Variants in ANKFN1 observed in about 807,000 individuals in gnomAD.
ANKFN1 encodes the protein ankyrin repeat and fibronectin type-III domain-containing protein 1.
In ANKFN1, 74 loss-of-function variants were observed where a neutral mutation model predicts 108.7. The ratio of observed to expected loss-of-function variants is 0.68; its 90% CI spans 0.56 to 0.83. The LOEUF (loss-of-function observed/expected upper bound fraction) is 0.83. Among genes scored for constraint, ANKFN1 ranks in the 40% least tolerant of loss-of-function variants. The probability of loss-of-function intolerance (pLI) is 0.00; values close to 1 mark genes in which losing one functional copy is unlikely to be tolerated. For missense variants in ANKFN1, 1,505 were observed against 1,382.3 expected (o/e 1.09, Z -1.41); for synonymous variants, 547 against 516.2 (o/e 1.06, Z -0.81).
At chr17:56,225,932 TAGAC>T (rs915705009) in intron 2 of ANKFN1, among the ~76,000 whole-genome samples, 1 of 152,210 alleles carries the variant, frequency 6.6e-6, no homozygotes, top group Admixed American at 6.5e-5. Context: ...TGTGAAGTAA[TAGAC>T]AGATAATTTT....
At chr17:56,102,155 T>C (rs928638679) in intron 4 of ANKFN1, among the ~76,000 whole-genome samples, 5 of 152,196 alleles carry the variant, frequency 3.3e-5, no homozygotes, top group African/African-American at 1.2e-4. Context: ...GAACTCATTG[T>C]AAAGAGTTTT....
intron 4 of ANKFN1, among the ~76,000 whole-genome samples, chr17:56,125,504 C>T (rs1197451995): frequency 6.6e-6 from 1 of 152,174 alleles, no homozygotes; most frequent in Non-Finnish European, 1.5e-5. Context: ...AGTGGGATTA[C>T]TAATAATTAT....
Position 56,190,048 on chromosome 17 carries a change from G to A in ANKFN1, c.-70-22550G>A, listed in dbSNP as rs1007012470. Among the ~76,000 whole-genome samples the A allele has an allele frequency of 5.4e-5, 8 of 149,022 alleles. No homozygotes were observed. The East Asian group carries it at 5.9e-4, about 11-fold the overall frequency. On this transcript the variant is annotated intron_variant, in intron 1 of 20. Transcript: ENST00000682825. Reference sequence around the variant, plus strand: ...TGGTAGTTTGTATTTCTGTGGGATCGGTGGTGATATCCCCTTTATCATTTT... The same window carrying A: ...TGGTAGTTTGTATTTCTGTGGGATCAGTGGTGATATCCCCTTTATCATTTT...
At chr17:56,378,570 G>A (rs1332362317) in intron 8 of ANKFN1, among the ~76,000 whole-genome samples, 1 of 152,114 alleles carries the variant, frequency 6.6e-6, no homozygotes, top group African/African-American at 2.4e-5. Flanking sequence ...TAGGTATGAG[G>A]TAGCTACCTT....
At chr17:56,428,821 G>A (rs1388218858) in intron 8 of ANKFN1, among the ~76,000 whole-genome samples, 3 of 151,318 alleles carry the variant, frequency 2.0e-5, no homozygotes, top group African/African-American at 7.3e-5. Flanking sequence ...TGAAAAAGAT[G>A]CTGCACACAT....
chr17:56,151,580 G>A (rs1908612625), upstream of ANKFN1, among the ~76,000 whole-genome samples: 1 of 152,130 alleles, frequency 6.6e-6, no homozygotes, highest in Non-Finnish European at 1.5e-5. Context: ...TAGATGGGCT[G>A]ACAAAGCCAA....
intron 4 of ANKFN1, among the ~76,000 whole-genome samples, chr17:56,089,803 T>C (rs772149961): frequency 6.6e-6 from 1 of 151,330 alleles, no homozygotes; most frequent in Non-Finnish European, 1.5e-5. Flanking sequence ...GCAGCTTTGC[T>C]ATTTACCAGC....
intron 1 of ANKFN1, among the ~76,000 whole-genome samples, chr17:56,188,579 G>GTATATATATATATATATATA (rs1220822008): frequency 2.0e-4 from 14 of 71,386 alleles, no homozygotes; most frequent in African/African-American, 9.8e-4. Context: ...GTGTGTGTGT[G>GTATATATATATATATATATA]TGTATATATA....
chr17:56,259,970 A>C (rs1418519630), intron 3 of ANKFN1, among the ~76,000 whole-genome samples: 1 of 152,018 alleles, frequency 6.6e-6, no homozygotes, highest in African/African-American at 2.4e-5. Flanking sequence ...ACTAAAAGGA[A>C]GTAACATACT....
At chr17:56,457,442 CA>C in intron 13 of ANKFN1, 53 bp downstream of exon 13, 1 of 1,505,732 alleles carries the variant, frequency 6.6e-7, no homozygotes, top group Non-Finnish European at 8.9e-7. Context: ...TGTTACTGCA[CA>C]AAAATCTCTG....
At chr17:56,216,368 G>A (rs937660060) in intron 2 of ANKFN1, among the ~76,000 whole-genome samples, 13 of 152,204 alleles carry the variant, frequency 8.5e-5, no homozygotes, top group Non-Finnish European at 7.3e-5. Flanking sequence ...AGATTTCTGT[G>A]AGTCTGTATT....
At chr17:56,181,700 C>T (rs1206966208) in intron 1 of ANKFN1, among the ~76,000 whole-genome samples, 2 of 152,146 alleles carry the variant, frequency 1.3e-5, no homozygotes, top group Non-Finnish European at 2.9e-5. Context: ...TGTATGAATG[C>T]ATATACACAC....
intron 4 of ANKFN1, among the ~76,000 whole-genome samples, chr17:56,135,340 A>C (rs144182198): frequency 9.1e-4 from 138 of 152,300 alleles, no homozygotes; most frequent in African/African-American, 2.8e-3. Flanking sequence ...AATAGGGACT[A>C]TTTTCTGCCC....
intron 10 of ANKFN1, 123 bp downstream of exon 10, chr17:56,443,056 G>A (rs2049165343): frequency 1.2e-6 from 1 of 826,458 alleles, no homozygotes; most frequent in Non-Finnish European, 1.9e-6. Flanking sequence ...TCTCAGGGCA[G>A]CATCTGGGCC....
chr17:56,423,926 A>G (rs1598583839), intron 8 of ANKFN1, among the ~76,000 whole-genome samples: 2 of 152,208 alleles, frequency 1.3e-5, no homozygotes, highest in South Asian at 4.1e-4. Context: ...TCAGGAATGT[A>G]TTGGCTTTAT....
intron 18 of ANKFN1, among the ~76,000 whole-genome samples, chr17:56,483,089 T>C (rs1453833593): frequency 6.6e-6 from 1 of 152,226 alleles, no homozygotes; most frequent in South Asian, 2.1e-4. Context: ...ATTTGAGAAA[T>C]GGACAGGATC....
intron 3 of ANKFN1, among the ~76,000 whole-genome samples, chr17:56,312,196 C>T (rs911289554): frequency 9.9e-5 from 15 of 152,164 alleles, no homozygotes; most frequent in African/African-American, 3.4e-4. Flanking sequence ...GACCTGTGTT[C>T]TGTGCTTCTG....
At chr17:56,132,191 C>T (rs138791386) in intron 4 of ANKFN1, among the ~76,000 whole-genome samples, 352 of 152,306 alleles carry the variant, frequency 2.3e-3, no homozygotes, top group African/African-American at 8.1e-3. Context: ...AGTCCAGCCT[C>T]GTTGCTCTCA....
In ANKFN1 at chr17:56,466,463, A is replaced by AT. The variant is rs1324050420; in HGVS notation, c.1671dup (p.Asn558Ter). 1 of 1,614,146 alleles carries AT rather than the reference A, an allele frequency of 6.2e-7. No individual in the cohort carries two copies. On this transcript the variant is annotated frameshift_variant, in exon 15 of 21. Transcript: ENST00000682825. LOFTEE classifies it high-confidence loss of function. ...TCAGGGAGGTGGAGATGCTTTATTCATTTTTTAATGGCAAATGGATGCAGA... is the reference window on the plus strand; with the variant it reads ...TCAGGGAGGTGGAGATGCTTTATTCATTTTTTTAATGGCAAATGGATGCAGA...
Sources: allele counts gnomAD v4.1 joint callset (sites outside exome capture counted in the v4.1 genomes callset), GRCh38; gene constraint gnomAD v4.1.1; transcripts MANE v1.5; gene names NCBI Gene and HGNC (gene_info 2026-07-23, HGNC 2026-07-21).